Variants in CDH23 observed in about 807,000 individuals in gnomAD.
The protein encoded by CDH23 is cadherin-23.
In CDH23, 189 loss-of-function variants were observed where a neutral mutation model predicts 317.1. The observed-to-expected ratio is 0.60, with a 90% confidence interval of 0.53 to 0.67. The LOEUF (loss-of-function observed/expected upper bound fraction) is 0.67. Ranked by LOEUF, CDH23 falls within the 30% of genes least tolerant of loss-of-function variation. The pLI is 0.00. For synonymous variants in CDH23, 1,839 were observed against 1,876.8 expected (o/e 0.98, Z 0.52); for missense variants, 4,401 against 4,592.4 (o/e 0.96, Z 1.20).
intron 18 of CDH23, among the ~76,000 whole-genome samples, chr10:71,687,396 T>C (rs975292211): frequency 1.3e-5 from 2 of 152,106 alleles, no homozygotes; most frequent in Admixed American, 6.5e-5. Flanking sequence ...ACACTCCCTC[T>C]TCCTGGGCCT....
intron 38 of CDH23, among the ~76,000 whole-genome samples, chr10:71,772,845 G>A (rs1420444575): frequency 2.6e-5 from 4 of 152,198 alleles, no homozygotes; most frequent in Admixed American, 6.5e-5. Flanking sequence ...TGGACCCACC[G>A]TGACCAGTGC....
rs769526500 is a variant in CDH23, at chr10:71,705,079, A to G, written c.2902A>G (p.Ser968Gly). 1 of 1,611,648 alleles carries G rather than the reference A, an allele frequency of 6.2e-7. No individual in the cohort carries two copies. Among genetic ancestry groups the G allele is most frequent in the South Asian group, 1.1e-5 (1 of 91,014 alleles). The change falls in exon 25 of 70, where the codon AGT becomes GGT. Residue 968 changes from serine (S) to glycine (G), a missense_variant. Ser to Gly is a moderately conservative substitution (Grantham distance 56). Coordinates refer to ENST00000224721, the MANE Select transcript of CDH23 (RefSeq NM_022124.6). ...IAEYQLRVVASDAGTPTKSST... is the reference protein window; with the variant it reads ...IAEYQLRVVAGDAGTPTKSST... ...GGAGTACCAGCTGCGGGTGGTGGCC[A>G]GTGATGCAGGCACGCCCACCAAGAG...
chr10:71,424,801 C>CT (rs1848981177), intron 1 of CDH23, among the ~76,000 whole-genome samples: 2 of 152,346 alleles, frequency 1.3e-5, no homozygotes, highest in South Asian at 4.1e-4. Context: ...CTGCACCACA[C>CT]TAGGCTCAAA....
At chr10:71,466,064 G>A (rs974307847) in intron 3 of CDH23, among the ~76,000 whole-genome samples, 3 of 152,176 alleles carry the variant, frequency 2.0e-5, no homozygotes, top group South Asian at 2.1e-4. Context: ...TTCCGGAAAA[G>A]CAAGAGAGAC....
At position 71,741,676 on chromosome 10, in the gene CDH23, C is replaced by T. The variant is rs1356686202; in HGVS notation, c.4618-18C>T. On this transcript the variant is annotated intron_variant, in intron 37 of 69. Coordinates refer to ENST00000224721, the MANE Select transcript of CDH23 (RefSeq NM_022124.6). The stretch of plus-strand genomic sequence containing the variant: ...ATGCCTTGAGTCCAGAATGACTGCT[C>T]TCCTGCTCTCCTCCCAGAACGTGGG... 3.8e-6 allele frequency: 6 copies of T among 1,590,024 alleles called. No individual in the cohort carries two copies. The South Asian group carries it at 6.8e-5, about 18-fold the overall frequency.
chr10:71,766,886 A>G (rs1840559424), intron 38 of CDH23, among the ~76,000 whole-genome samples: 1 of 152,306 alleles, frequency 6.6e-6, no homozygotes, highest in African/African-American at 2.4e-5. Flanking sequence ...TCCTTCAGCT[A>G]TTTAGAAAAA....
intron 15 of CDH23, among the ~76,000 whole-genome samples, chr10:71,675,991 T>C (rs1864349827): frequency 7.2e-6 from 1 of 139,026 alleles, no homozygotes; most frequent in Non-Finnish European, 1.5e-5. Flanking sequence ...AACTGCAACC[T>C]CCACCTCCTA....
Position 71,759,872 on chromosome 10 carries a change from T to TACACACACACACATATATAC in CDH23, c.4846-17791_4846-17790insTACACACACACACACATATA, listed in dbSNP as rs1564779199. ...ATATACACACACACACACATATATA[T>TACACACACACACATATATAC]ACACACACACACATATACACACACA... On this transcript the variant is annotated intron_variant, in intron 38 of 69. Transcript: ENST00000224721. Among the ~76,000 whole-genome samples, 4 of 34,866 alleles carry TACACACACACACATATATAC rather than the reference T, an allele frequency of 1.1e-4. 1 individual carries two copies. Among genetic ancestry groups the TACACACACACACATATATAC allele is most frequent in the East Asian group, 1.7e-3 (2 of 1,208 alleles). The allele number at this position is 34,866 out of a possible 152,430, so 22.9% of individuals were successfully genotyped here. A position where few individuals can be genotyped will look rare whatever the true frequency, so the allele number is the denominator to read the frequency against.
intron 6 of CDH23, among the ~76,000 whole-genome samples, chr10:71,552,115 T>A (rs1856629791): frequency 6.6e-6 from 1 of 152,228 alleles, no homozygotes; most frequent in Non-Finnish European, 1.5e-5. Context: ...TGTCTCAGAA[T>A]CATTACTGCT....
intron 30 of CDH23, among the ~76,000 whole-genome samples, chr10:71,728,612 G>A (rs913343140): frequency 6.6e-6 from 1 of 152,154 alleles, no homozygotes. Context: ...CCCTCCCTTA[G>A]TGCTGGTCAC....
intron 38 of CDH23, chr10:71,760,519 C>T (rs527821772): frequency 8.4e-4 from 174 of 208,082 alleles, no homozygotes; most frequent in Middle Eastern, 1.7e-3. Flanking sequence ...CAAGAGGACC[C>T]CCAGCCTTCC....
Position 71,521,843 on chromosome 10 carries a change from G to A in CDH23, c.429+10631G>A, listed in dbSNP as rs557115380. ...CCGAGCTTCTAAACCCGCCTCCCAG[G>A]TGGGCCCTCTGCCTCTTGACCTTGG... On this transcript the variant is annotated intron_variant, in intron 6 of 69. Transcript: ENST00000224721. Among the ~76,000 whole-genome samples the A allele has an allele frequency of 4.6e-5, 7 of 152,324 alleles. No individual in the cohort carries two copies. In the South Asian group the frequency reaches 1.4e-3, roughly 32 times the overall value.
intron 6 of CDH23, among the ~76,000 whole-genome samples, chr10:71,523,526 A>G (rs1470355902): frequency 2.6e-5 from 4 of 152,192 alleles, no homozygotes; most frequent in African/African-American, 2.4e-5. Flanking sequence ...TAATGCCTAA[A>G]GTGTGCTGGC....
chr10:71,557,902 CTT>C, intron 6 of CDH23, among the ~76,000 whole-genome samples: 1 of 152,272 alleles, frequency 6.6e-6, no homozygotes, highest in African/African-American at 2.4e-5. Context: ...ATACTGGTCT[CTT>C]TCAATCTGGA....
At chr10:71,774,429 T>C (rs982668465) in intron 38 of CDH23, among the ~76,000 whole-genome samples, 11 of 152,184 alleles carry the variant, frequency 7.2e-5, no homozygotes, top group African/African-American at 2.4e-4. Context: ...CCCTTCCTTT[T>C]TCCCGGCAAA....
intron 3 of CDH23, among the ~76,000 whole-genome samples, chr10:71,467,643 A>C (rs1851317195): frequency 6.6e-6 from 1 of 152,156 alleles, no homozygotes; most frequent in African/African-American, 2.4e-5. Flanking sequence ...CCTTTAGACA[A>C]GGTTCTGAAC....
chr10:71,778,133 G>A, intron 39 of CDH23, 56 bp from the exon 40 acceptor site: 1 of 1,605,998 alleles, frequency 6.2e-7, no homozygotes, highest in Admixed American at 1.7e-5. Context: ...TGGTCAGAGG[G>A]TGCTGCAGAC....
intron 38 of CDH23, among the ~76,000 whole-genome samples, chr10:71,753,301 T>G (rs529236842): frequency 1.3e-5 from 2 of 152,378 alleles, no homozygotes; most frequent in South Asian, 4.1e-4. Flanking sequence ...CAGCCAGCGC[T>G]TTCTCCTATG....
intron 27 of CDH23, 39 bp downstream of exon 27, chr10:71,709,250 G>A: frequency 1.9e-6 from 3 of 1,569,604 alleles, no homozygotes; most frequent in Non-Finnish European, 2.6e-6. Flanking sequence ...CAGTGATCTG[G>A]GCAGAGTTCA....
Sources: allele counts gnomAD v4.1 joint callset (sites outside exome capture counted in the v4.1 genomes callset), GRCh38; gene constraint gnomAD v4.1.1; transcripts MANE v1.5; gene names NCBI Gene and HGNC (gene_info 2026-07-23, HGNC 2026-07-21).